Variants in CACNA2D1 observed in about 807,000 individuals in gnomAD.
The protein encoded by CACNA2D1 is voltage-dependent calcium channel subunit alpha-2/delta-1.
Under a neutral mutation model 171.5 loss-of-function variants are expected in CACNA2D1, and 53 were observed. The observed-to-expected ratio is 0.31, with a 90% CI of 0.25 to 0.39. CACNA2D1 has a LOEUF of 0.39. Among genes scored for constraint, CACNA2D1 ranks in the 10% least tolerant of loss-of-function variants. The pLI is 1.00. For missense variants in CACNA2D1, 903 were observed against 1,299.8 expected (o/e 0.69, Z 4.69); for synonymous variants, 442 against 443.1 (o/e 1.00, Z 0.03).
In CACNA2D1 at chr7:82,421,423, T is replaced by C. The variant is rs543029779; in HGVS notation, c.95+21942A>G. Among the ~76,000 whole-genome samples the C allele has an allele frequency of 4.6e-5, 7 of 152,318 alleles. No individual in the cohort carries two copies. The East Asian group carries it at 1.4e-3, about 29-fold the overall frequency. ...GATTTATCTGTGCTAATAAACTCTC[T>C]TTAAAATGACATCACTAGGAAGATT... On this transcript the variant is annotated intron_variant, in intron 1 of 38. Coordinates refer to ENST00000356860, the MANE Select transcript of CACNA2D1 (RefSeq NM_000722.4).
chr7:82,416,111 A>T (rs1337244219), intron 1 of CACNA2D1, among the ~76,000 whole-genome samples: 1 of 152,040 alleles, frequency 6.6e-6, no homozygotes, highest in Non-Finnish European at 1.5e-5. Flanking sequence ...GCTACTCGGG[A>T]GGGTGAAGTA....
intron 36 of CACNA2D1, among the ~76,000 whole-genome samples, chr7:81,960,543 T>TA (rs1168937320): frequency 3.9e-5 from 6 of 152,164 alleles, no homozygotes; most frequent in Non-Finnish European, 7.4e-5. Flanking sequence ...GTAACCAACA[T>TA]AAAAAATGTA....
intron 3 of CACNA2D1, among the ~76,000 whole-genome samples, chr7:82,201,453 C>T (rs914669957): frequency 6.6e-6 from 1 of 152,082 alleles, no homozygotes; most frequent in African/African-American, 2.4e-5. Flanking sequence ...ATTTGGCCAG[C>T]ATCATGGGCT....
At position 81,983,327 on chromosome 7, in the gene CACNA2D1, C is replaced by CT. The variant is rs1347383693; in HGVS notation, c.1880dup (p.Lys629GlnfsTer12). 1.2e-6 allele frequency: 2 copies of CT among 1,610,770 alleles called. No individual in the cohort carries two copies. The highest frequency in any genetic ancestry group is 1.7e-6 in the Non-Finnish European group (2 of 1,178,014). ...GAAAATACTTGCCCTTCATTTTGCC[C>CT]TTTTTTGCTGTGAAAATCCATCAGA... On this transcript the variant is annotated frameshift_variant, in exon 23 of 39. Coordinates refer to ENST00000356860, the MANE Select transcript of CACNA2D1 (RefSeq NM_000722.4). LOFTEE classifies it high-confidence loss of function.
chr7:82,443,363 A>T lies in CACNA2D1; in HGVS notation c.95+2T>A. 6.2e-7 allele frequency: 1 copy of T among 1,600,008 alleles called. No individual in the cohort carries two copies. The highest frequency in any genetic ancestry group is 8.5e-7 in the Non-Finnish European group (1 of 1,173,440). ...CGCTCCCTGCCCGGCCCGCCGACTTACGTGACGGCCGAAGGGAACGGCTCC... is the reference window on the plus strand; with the variant it reads ...CGCTCCCTGCCCGGCCCGCCGACTTTCGTGACGGCCGAAGGGAACGGCTCC... On this transcript the variant is annotated splice_donor_variant, in intron 1 of 38. Coordinates refer to ENST00000356860, the MANE Select transcript of CACNA2D1 (RefSeq NM_000722.4). LOFTEE classifies it high-confidence loss of function.
At position 82,000,624 on chromosome 7, in the gene CACNA2D1, G is replaced by C. The variant is rs575651810; in HGVS notation, c.1591-3374C>G. ...TTTACTCATTTTGTTTTTGAGACGG[G>C]GTCTCGCTCTGTCACCCAGCCTGGA... On this transcript the variant is annotated intron_variant, in intron 18 of 38. Coordinates refer to ENST00000356860, the MANE Select transcript of CACNA2D1 (RefSeq NM_000722.4). 1.1e-4 allele frequency among the ~76,000 whole-genome samples: 17 copies of C among 151,490 alleles called. No individual in the cohort carries two copies. The South Asian group carries it at 3.5e-3, about 32-fold the overall frequency.
chr7:81,972,254 G>A (rs1167313363), intron 25 of CACNA2D1, among the ~76,000 whole-genome samples: 1 of 150,898 alleles, frequency 6.6e-6, no homozygotes, highest in Non-Finnish European at 1.5e-5. Context: ...TTTTATATAT[G>A]TATATAAAAT....
At chr7:82,177,619 T>A (rs1796682233) in intron 3 of CACNA2D1, among the ~76,000 whole-genome samples, 1 of 151,986 alleles carries the variant, frequency 6.6e-6, no homozygotes, top group African/African-American at 2.4e-5. Flanking sequence ...TTTTTCAGCA[T>A]CAAAATGTTA....
chr7:81,984,729 G>C lies in CACNA2D1; in HGVS notation c.1797-18C>G. ...AGGCCAAACTGCAATAGAAACAAGA[G>C]AAGCATAAACACAAACAAACAAAAA... is the stretch of plus-strand genomic sequence containing the variant. On this transcript the variant is annotated intron_variant, in intron 21 of 38. Transcript: ENST00000356860. 7.4e-7 allele frequency: 1 copy of C among 1,346,430 alleles called. No individual in the cohort carries two copies. Among genetic ancestry groups the C allele is most frequent in the Non-Finnish European group, 1.0e-6 (1 of 955,390 alleles). 83.4% of individuals were successfully genotyped at this position (1,346,430 alleles called of 1,614,324 possible).
intron 1 of CACNA2D1, among the ~76,000 whole-genome samples, chr7:82,374,225 A>G (rs933047203): frequency 5.9e-5 from 9 of 152,224 alleles, no homozygotes; most frequent in Admixed American, 2.6e-4. Flanking sequence ...TAATTTAGGA[A>G]GAGTCTCTGA....
At chr7:82,297,489 A>C (rs1199670583) in intron 3 of CACNA2D1, among the ~76,000 whole-genome samples, 1 of 152,176 alleles carries the variant, frequency 6.6e-6, no homozygotes, top group Non-Finnish European at 1.5e-5. Flanking sequence ...CTGTTGCACA[A>C]TAGAAAGAAT....
intron 3 of CACNA2D1, among the ~76,000 whole-genome samples, chr7:82,204,033 T>C (rs6964011): frequency 0.2 from 29,880 of 152,148 alleles, 3,281 homozygotes; most frequent in African/African-American, 0.29. Context: ...CCATGGGGCC[T>C]GAGGCACCCC....
At chr7:82,343,064 C>T (rs536052824) in intron 2 of CACNA2D1, 1 of 152,232 alleles carries the variant, frequency 6.6e-6, no homozygotes, top group East Asian at 1.9e-4. Context: ...CACATATACA[C>T]ACATATATAA....
intron 2 of CACNA2D1, among the ~76,000 whole-genome samples, chr7:82,342,608 G>A (rs1168385943): frequency 6.6e-6 from 1 of 152,080 alleles, no homozygotes; most frequent in African/African-American, 2.4e-5. Flanking sequence ...ACAAATTAAG[G>A]TAATGATCAG....
At chr7:82,202,836 A>AC (rs74817877) in intron 3 of CACNA2D1, among the ~76,000 whole-genome samples, 53,602 of 151,924 alleles carry the variant, frequency 0.35, 11,828 homozygotes, top group African/African-American at 0.63. Context: ...AAAATGCGCC[A>AC]CCTCAGAGGT....
chr7:82,264,513 A>G (rs1417881733), intron 3 of CACNA2D1, among the ~76,000 whole-genome samples: 1 of 152,254 alleles, frequency 6.6e-6, no homozygotes, highest in Non-Finnish European at 1.5e-5. Flanking sequence ...GAGTAAAAGA[A>G]AAGCAGCTTA....
chr7:82,300,986 T>A (rs955129465), intron 3 of CACNA2D1, among the ~76,000 whole-genome samples: 1 of 152,224 alleles, frequency 6.6e-6, no homozygotes, highest in Admixed American at 6.5e-5. Flanking sequence ...GAAGATTTGT[T>A]AGGTTGATAA....
At chr7:82,259,980 T>G (rs755168908) in intron 3 of CACNA2D1, among the ~76,000 whole-genome samples, 1 of 152,214 alleles carries the variant, frequency 6.6e-6, no homozygotes, top group African/African-American at 2.4e-5. Flanking sequence ...CCCAACACTT[T>G]GGGAGGCTGA....
intron 18 of CACNA2D1, among the ~76,000 whole-genome samples, chr7:82,003,751 T>C (rs888028608): frequency 4.0e-5 from 6 of 150,664 alleles, no homozygotes; most frequent in Admixed American, 2.0e-4. Context: ...TTACTTTTTT[T>C]TTTTTTTTTT....
Sources: gnomAD v4.1 joint callset for allele counts (sites outside exome capture counted in the v4.1 genomes callset) on GRCh38, gnomAD v4.1.1 for gene constraint, MANE v1.5 for transcripts, NCBI Gene and HGNC (gene_info 2026-07-23, HGNC 2026-07-21) for gene names.